KCNA3: variants seen among roughly 807,000 people sequenced by gnomAD.
The protein encoded by KCNA3 is RP11-284N8.3.
Under a neutral mutation model 34.3 loss-of-function variants are expected in KCNA3, and 18 were observed. That is an observed-to-expected ratio of 0.52 (90% CI 0.36 to 0.78). KCNA3 has a LOEUF of 0.78. Ranked by LOEUF, KCNA3 falls within the 30% of genes least tolerant of loss-of-function variation. The pLI, the probability that KCNA3 is intolerant of heterozygous loss-of-function variation, is 0.00. For synonymous variants in KCNA3, 324 were observed against 351.7 expected (o/e 0.92, Z 0.88); for missense variants, 587 against 802.5 (o/e 0.73, Z 3.24).
chr1:110,658,852 A>G, the KCNA3 span, among the ~76,000 whole-genome samples: 1 of 152,210 alleles, frequency 6.6e-6, no homozygotes, highest in Non-Finnish European at 1.5e-5. Flanking sequence ...AAGATAGAAT[A>G]TTAAAACATG....
chr1:110,658,396 T>C, the KCNA3 span, among the ~76,000 whole-genome samples: 2 of 152,220 alleles, frequency 1.3e-5, no homozygotes, highest in Non-Finnish European at 2.9e-5. Flanking sequence ...TTTGTTCAGG[T>C]ATATTTTGAA....
chr1:110,657,576 T>A, the KCNA3 span, among the ~76,000 whole-genome samples: 14,220 of 152,234 alleles, frequency 0.093, 760 homozygotes, highest in Non-Finnish European at 0.13. Flanking sequence ...GTGAATCATA[T>A]TCAGTATAAC....
chr1:110,654,854 G>A, the KCNA3 span: 3 of 152,116 alleles, frequency 2.0e-5, no homozygotes, highest in Admixed American at 2.0e-4. Flanking sequence ...TCTTGGACTA[G>A]TCATTTGATC....
Position 110,674,637 on chromosome 1 carries a change from C to T in KCNA3, c.173G>A (p.Gly58Glu), listed in dbSNP as rs1192268126. 6.5e-7 allele frequency: 1 copy of T among 1,547,322 alleles called. No homozygotes were observed. ...CACCTCCGGCTCCAGCAGGTGGTCC[C>T]CGGGCACCACGGTCATGTCGGGCGG... is the stretch of plus-strand genomic sequence containing the variant. Reference protein sequence around the residue: ...ELPPDMTVVPGDHLLEPEVAD... With the variant: ...ELPPDMTVVPEDHLLEPEVAD... Residue 58 changes from glycine to glutamate, a missense_variant, in exon 1 of 1, where the codon GGG becomes GAG. Gly to Glu is a moderately conservative substitution (Grantham distance 98). This residue lies in a region of KCNA3 where 341 missense variants were observed against 355.4 expected (regional missense o/e 0.96). Coordinates refer to ENST00000369769, the MANE Select transcript of KCNA3 (RefSeq NM_002232.5). The surrounding 1 kb of genome is among the most constrained non-coding windows in gnomAD (Gnocchi z 6.4).
chr1:110,668,287 T>C (rs1366931112), downstream of KCNA3, among the ~76,000 whole-genome samples: 1 of 152,122 alleles, frequency 6.6e-6, no homozygotes, highest in Non-Finnish European at 1.5e-5. Context: ...TTGCATTTCT[T>C]AGTGGGAAGG....
At chr1:110,656,750 T>TAAGGCTCTGA in the KCNA3 span, 3 of 152,114 alleles carry the variant, frequency 2.0e-5, no homozygotes, top group African/African-American at 7.2e-5. Flanking sequence ...GAGTGTGCAA[T>TAAGGCTCTGA]AAGGCTCTGG....
In KCNA3 at chr1:110,674,262, T is replaced by C; in HGVS notation, c.548A>G (p.Glu183Gly). 1.2e-6 allele frequency: 2 copies of C among 1,614,106 alleles called. No individual in the cohort carries two copies. The highest frequency in any genetic ancestry group is 1.7e-6 in the Non-Finnish European group (2 of 1,179,988). ...VNVPIDIFSE[E>G]IRFYQLGEEA... is the part of the protein sequence containing the mutation. ...CTCGCCCAGCTGGTAGAAGCGGATC[T>C]CCTCGGAGAAAATGTCGATGGGCAC... Residue 183 changes from glutamate (E) to glycine (G), a missense_variant, in exon 1 of 1, where the codon GAG (glutamate) becomes GGG (glycine). By Grantham distance (98) the Glu-to-Gly change is moderately conservative. Coordinates refer to ENST00000369769, the MANE Select transcript of KCNA3 (RefSeq NM_002232.5). This position sits in a 1 kb window ranked among gnomAD's most constrained non-coding sequence, Gnocchi z 6.4.
rs777377369 is a variant in KCNA3 at position 110,673,995 on chromosome 1, T to A, written c.815A>T (p.Asp272Val). The A allele has an allele frequency of 5.0e-6, 8 of 1,613,106 alleles. No homozygotes were observed. In the East Asian group the frequency reaches 1.8e-4, roughly 36 times the overall value. The part of the protein sequence containing the change: ...EKDYPASTSQ[D>V]SFEAAGNSTS... ...GCTGTTGCCGGCTGCTTCGAATGAGTCCTGCGACGTCGAGGCGGGGTAGTC... is the reference window on the plus strand; with the variant it reads ...GCTGTTGCCGGCTGCTTCGAATGAGACCTGCGACGTCGAGGCGGGGTAGTC... Residue 272 changes from aspartate to valine, a missense_variant, in exon 1 of 1, where the codon GAC becomes GTC. Asp to Val is a radical substitution (Grantham distance 152, BLOSUM62 -3). This residue lies in a region of KCNA3 where 50 missense variants were observed against 45.3 expected (regional missense o/e 1.10). Transcript: ENST00000369769. This position sits in a 1 kb window ranked among gnomAD's most constrained non-coding sequence, Gnocchi z 8.8.
chr1:110,672,117 G>A (rs1238084262), downstream of KCNA3, among the ~76,000 whole-genome samples: 1 of 152,206 alleles, frequency 6.6e-6, no homozygotes, highest in Non-Finnish European at 1.5e-5. Flanking sequence ...AACGGCAGGG[G>A]CTGGGAGGTG....
In KCNA3 at chr1:110,673,150, C is replaced by T. The variant is rs946802393; in HGVS notation, c.1660G>A (p.Ala554Thr). Residue 554 changes from alanine to threonine, a missense_variant, in exon 1 of 1, where the codon GCC (alanine) becomes ACC (threonine). Coordinates refer to ENST00000369769, the MANE Select transcript of KCNA3 (RefSeq NM_002232.5). This position sits in a 1 kb window ranked among gnomAD's most constrained non-coding sequence, Gnocchi z 8.8. ...QTPFKTGNSTATCTTNNNPNS... is the reference protein window; with the variant it reads ...QTPFKTGNSTTTCTTNNNPNS... ...GGATTATTGTTCGTGGTGCAGGTGG[C>T]AGTGGAATTGCCCGTTTTGAAAGGG... 2.2e-5 allele frequency: 35 copies of T among 1,614,072 alleles called. No individual in the cohort carries two copies. Among genetic ancestry groups the T allele is most frequent in the Non-Finnish European group, 2.7e-5 (32 of 1,180,004 alleles).
downstream of KCNA3, among the ~76,000 whole-genome samples, chr1:110,669,196 T>C (rs1257503399): frequency 6.6e-6 from 1 of 152,182 alleles, no homozygotes; most frequent in African/African-American, 2.4e-5. Flanking sequence ...GACTTTCTGG[T>C]ATGGTTCTTC....
chr1:110,671,254 G>A (rs763901122), downstream of KCNA3, among the ~76,000 whole-genome samples: 19 of 152,186 alleles, frequency 1.2e-4, no homozygotes, highest in Non-Finnish European at 2.5e-4. Context: ...GAAGAGCAAT[G>A]ACTGTTTTTT....
At position 110,674,160 on chromosome 1, in the gene KCNA3, T is replaced by A; in HGVS notation, c.650A>T (p.Gln217Leu). The change falls in exon 1 of 1, where the codon CAG becomes CTG. Residue 217 changes from glutamine to leucine, a missense_variant. Physicochemically the swap from Gln to Leu is moderately radical, Grantham distance 113. Around this residue, in one of 7 missense-constraint regions of KCNA3, gnomAD observed 341 missense variants for 355.4 expected, o/e 0.96. Transcript: ENST00000369769. This position sits in a 1 kb window ranked among gnomAD's most constrained non-coding sequence, Gnocchi z 6.4. The stretch of plus-strand genomic sequence containing the variant: ...CTCGAAGAGCAGCCACACCTGGCGC[T>A]GGAAGTCGCGGCGGGGCAAGGGCCG... Reference protein sequence around the residue: ...EERPLPRRDFQRQVWLLFEYP... With the variant: ...EERPLPRRDFLRQVWLLFEYP... 6.2e-7 allele frequency: 1 copy of A among 1,613,362 alleles called. No homozygotes were observed. Among genetic ancestry groups the A allele is most frequent in the Non-Finnish European group, 8.5e-7 (1 of 1,179,670 alleles).
chr1:110,661,655 C>T, the KCNA3 span, among the ~76,000 whole-genome samples: 5 of 152,036 alleles, frequency 3.3e-5, no homozygotes, highest in Non-Finnish European at 7.4e-5. Flanking sequence ...TTATATAAAA[C>T]GGTGGGCCTT....
chr1:110,658,859 CAT>C, the KCNA3 span, among the ~76,000 whole-genome samples: 2 of 152,038 alleles, frequency 1.3e-5, no homozygotes, highest in Non-Finnish European at 2.9e-5. Context: ...AATATTAAAA[CAT>C]GTAGTAAGTA....
chr1:110,662,573 G>A, the KCNA3 span, among the ~76,000 whole-genome samples: 1 of 152,152 alleles, frequency 6.6e-6, no homozygotes, highest in Non-Finnish European at 1.5e-5. Context: ...CAAGTAAATG[G>A]TAATGAATAA....
the KCNA3 span, chr1:110,654,384 A>C: frequency 6.6e-6 from 1 of 152,140 alleles, no homozygotes; most frequent in African/African-American, 2.4e-5. Context: ...ATGCTGAAAA[A>C]TGGTCACTAG....
In KCNA3 at chr1:110,674,591, CG is replaced by C; in HGVS notation, c.218del (p.Pro73ArgfsTer47). 1 of 1,568,534 alleles carries C rather than the reference CG, an allele frequency of 6.4e-7. No homozygotes were observed. Among genetic ancestry groups the C allele is most frequent in the Non-Finnish European group, 8.6e-7 (1 of 1,160,896 alleles). ...CGCCGCCGCCACAGCCGCCTTGAGG[CG>C]GGGCCCCTCCACCATCGGCCACCTC... The part of the protein sequence containing the change: ...EPEVADGGGA[P>X]PQGGCGGGGC... On this transcript the variant is annotated frameshift_variant, in exon 1 of 1. Coordinates refer to ENST00000369769, the MANE Select transcript of KCNA3 (RefSeq NM_002232.5). LOFTEE classifies it high-confidence loss of function. The surrounding 1 kb of genome is among the most constrained non-coding windows in gnomAD (Gnocchi z 6.4).
rs774981414 is a variant in KCNA3, at chr1:110,673,934, G to C, written c.876C>G (p.Ser292=). 2.5e-6 allele frequency: 4 copies of C among 1,614,108 alleles called. No individual in the cohort carries two copies. The highest frequency in any genetic ancestry group is 1.1e-5 in the South Asian group (1 of 91,086). The change falls in exon 1 of 1, where the codon TCC becomes TCG. Residue 292 remains serine (S), a synonymous_variant. Transcript: ENST00000369769. This position sits in a 1 kb window ranked among gnomAD's most constrained non-coding sequence, Gnocchi z 8.8. ...SGSRAGASSF[S]DPFFVVETLC... is the part of the protein sequence containing the mutation. The stretch of plus-strand genomic sequence containing the variant: ...GCGTCTCCACCACGAAGAAGGGATC[G>C]GAGAAGCTGGAGGCTCCTGCGCGGG...
Sources: allele counts gnomAD v4.1 joint callset (sites outside exome capture counted in the v4.1 genomes callset), GRCh38; gene constraint gnomAD v4.1.1; regional missense constraint gnomAD v4.1.1; non-coding constraint Gnocchi (gnomAD v3.1); transcripts MANE v1.5; gene names NCBI Gene and HGNC (gene_info 2026-07-23, HGNC 2026-07-21).